GDA: variants seen among roughly 807,000 people sequenced by gnomAD.
GDA encodes cytoplasmic PSD-95 interactor.
Under a neutral mutation model 59.6 loss-of-function variants are expected in GDA, and 18 were observed. The observed-to-expected ratio is 0.30, with a 90% CI of 0.21 to 0.45. The LOEUF (loss-of-function observed/expected upper bound fraction) is 0.45, where lower values mean the gene tolerates loss of function less well. GDA is among the 20% of genes least tolerant of loss of function. GDA has a pLI of 1.00. For synonymous variants in GDA, 201 were observed against 201.1 expected (o/e 1.00, Z 0.00); for missense variants, 427 against 552.3 (o/e 0.77, Z 2.27).
chr9:72,201,828 A>G (rs796736288), intron 2 of GDA, among the ~76,000 whole-genome samples: 39 of 152,282 alleles, frequency 2.6e-4, no homozygotes, highest in African/African-American at 8.7e-4. Context: ...AGGACTTTCT[A>G]ATTATAAGAA....
At chr9:72,155,775 A>T (rs903105969) in intron 1 of GDA, among the ~76,000 whole-genome samples, 3 of 152,220 alleles carry the variant, frequency 2.0e-5, no homozygotes, top group African/African-American at 4.8e-5. Context: ...AATGTGGTTT[A>T]GATGAGAGAG....
intron 1 of GDA, among the ~76,000 whole-genome samples, chr9:72,166,225 T>C (rs936620253): frequency 2.0e-5 from 3 of 152,114 alleles, no homozygotes; most frequent in African/African-American, 7.2e-5. Flanking sequence ...CTAGACAGGA[T>C]TGGATGTTTC....
At chr9:72,147,962 C>A (rs572715785), upstream of GDA, among the ~76,000 whole-genome samples, 2 of 152,116 alleles carry the variant, frequency 1.3e-5, no homozygotes, top group Non-Finnish European at 2.9e-5. Context: ...TTTTCCTGAA[C>A]GGCCTTTCAG....
intron 1 of GDA, among the ~76,000 whole-genome samples, chr9:72,164,752 G>A (rs1053268083): frequency 6.6e-6 from 1 of 151,646 alleles, no homozygotes; most frequent in Non-Finnish European, 1.5e-5. Context: ...GGGAGGCTGA[G>A]TCAGGCAGAT....
At chr9:72,238,040 C>T (rs1839212898) in intron 10 of GDA, among the ~76,000 whole-genome samples, 1 of 152,238 alleles carries the variant, frequency 6.6e-6, no homozygotes, top group South Asian at 2.1e-4. Context: ...TGCTCGTCAC[C>T]CTTCAATGCG....
chr9:72,225,825 A>G, intron 8 of GDA, 41 bp downstream of exon 8: 2 of 729,256 alleles, frequency 2.7e-6, no homozygotes, highest in Middle Eastern at 3.1e-4. Flanking sequence ...AAAGGAGGGC[A>G]TATTTATCTC....
intron 8 of GDA, among the ~76,000 whole-genome samples, chr9:72,226,017 G>A (rs924253920): frequency 2.8e-5 from 4 of 143,162 alleles, no homozygotes; most frequent in Non-Finnish European, 6.1e-5. Flanking sequence ...GTGTGTGTGC[G>A]TGTGTGTGTG....
At chr9:72,163,783 T>C (rs964663465) in intron 1 of GDA, among the ~76,000 whole-genome samples, 5 of 152,200 alleles carry the variant, frequency 3.3e-5, no homozygotes, top group Admixed American at 3.3e-4. Context: ...TGAGCCACCA[T>C]GCCCGGCCAA....
chr9:72,187,996 C>T (rs1563986190), intron 1 of GDA, among the ~76,000 whole-genome samples: 1 of 152,146 alleles, frequency 6.6e-6, no homozygotes, highest in East Asian at 1.9e-4. Flanking sequence ...TAGCTGAAGA[C>T]ATATTTAAGC....
At chr9:72,175,552 T>A (rs1830448351) in intron 1 of GDA, among the ~76,000 whole-genome samples, 1 of 152,232 alleles carries the variant, frequency 6.6e-6, no homozygotes, top group African/African-American at 2.4e-5. Context: ...ATAGAAGATG[T>A]CTGGGCTGGG....
upstream of GDA, among the ~76,000 whole-genome samples, chr9:72,147,601 A>G (rs1230327015): frequency 1.4e-5 from 2 of 144,940 alleles, no homozygotes; most frequent in Non-Finnish European, 3.0e-5. Context: ...ATTCTAGTTC[A>G]TAAAACTAGT....
At chr9:72,162,861 G>A (rs180864032) in intron 1 of GDA, among the ~76,000 whole-genome samples, 1 of 152,282 alleles carries the variant, frequency 6.6e-6, no homozygotes, top group African/African-American at 2.4e-5. Flanking sequence ...GTTTCACCGT[G>A]CTAGCCAGGA....
In GDA at chr9:72,225,734, T is replaced by C; in HGVS notation, c.772T>C (p.Tyr258His). The change falls in exon 8 of 14, where the codon TAT (tyrosine) becomes CAT (histidine). Residue 258 changes from tyrosine to histidine, a missense_variant. Physicochemically the swap from Tyr to His is moderately conservative, Grantham distance 83. Transcript: ENST00000358399. The stretch of plus-strand genomic sequence containing the variant: ...AGCTGTGAAAAACTTATACCCCAGT[T>C]ATAAAAACTACACATCTGTGTATGA... ...VEAVKNLYPS[Y>H]KNYTSVYDKN... 1.9e-6 allele frequency: 3 copies of C among 1,547,498 alleles called. No homozygotes were observed. Among genetic ancestry groups the C allele is most frequent in the Non-Finnish European group, 2.7e-6 (3 of 1,124,038 alleles).
intron 1 of GDA, among the ~76,000 whole-genome samples, chr9:72,126,685 G>T (rs553752639): frequency 6.6e-6 from 1 of 150,588 alleles, no homozygotes; most frequent in Admixed American, 6.7e-5. Context: ...TCCTACCTCA[G>T]CCTCCCAAGT....
At chr9:72,144,381 C>T (rs751931019), upstream of GDA, among the ~76,000 whole-genome samples, 8 of 152,102 alleles carry the variant, frequency 5.3e-5, no homozygotes, top group African/African-American at 1.4e-4. Flanking sequence ...TATAATAATA[C>T]GACATTCACT....
At chr9:72,118,921 G>T (rs1825565262) in intron 1 of GDA, among the ~76,000 whole-genome samples, 1 of 152,114 alleles carries the variant, frequency 6.6e-6, no homozygotes, top group Non-Finnish European at 1.5e-5. Context: ...TCCCACTTGA[G>T]TATTCCTAGT....
At chr9:72,224,586 G>A (rs552690087) in intron 7 of GDA, among the ~76,000 whole-genome samples, 1 of 152,114 alleles carries the variant, frequency 6.6e-6, no homozygotes, top group South Asian at 2.1e-4. Context: ...CTTGATGACC[G>A]TGGAATTTTC....
At chr9:72,210,834 C>T in intron 4 of GDA, 60 bp downstream of exon 4, 1 of 1,034,910 alleles carries the variant, frequency 9.7e-7, no homozygotes, top group Non-Finnish European at 1.5e-6. Context: ...ACCATCGTGG[C>T]AAACAACTTA....
intron 1 of GDA, among the ~76,000 whole-genome samples, chr9:72,192,222 CCTT>C (rs1832640804): frequency 5.1e-5 from 5 of 97,558 alleles, no homozygotes; most frequent in Admixed American, 1.2e-4. Context: ...TTTCAAATAG[CCTT>C]TTTTTTTTTT....
Sources: gnomAD v4.1 joint callset for allele counts (sites outside exome capture counted in the v4.1 genomes callset) on GRCh38, gnomAD v4.1.1 for gene constraint, MANE v1.5 for transcripts, NCBI Gene and HGNC (gene_info 2026-07-23, HGNC 2026-07-21) for gene names.